Variants in TMEM138 observed in about 807,000 individuals in gnomAD.
TMEM138 encodes transmembrane protein 138.
TMEM138 carries 9 observed loss-of-function variants against 18.1 expected under a neutral mutation model. The observed-to-expected ratio is 0.50, with a 90% confidence interval of 0.30 to 0.87. The LOEUF (loss-of-function observed/expected upper bound fraction) is 0.87. TMEM138 is among the 40% of genes least tolerant of loss of function. The pLI is 0.06. For missense variants in TMEM138, 189 were observed against 190.6 expected, an observed-to-expected ratio of 0.99 and a Z score of 0.05; for synonymous variants, 79 against 74.8, an observed-to-expected ratio of 1.06 and a Z score of -0.29.
rs112325968 is a variant in TMEM138 at position 61,368,286 on chromosome 11, G to T, written c.376+288G>T. ...GTCGCCCAGGCTGGAGTGCTGTGGC[G>T]CTATCTCAGGCTCACTGCAAGCTCC... On this transcript the variant is annotated intron_variant, in intron 4 of 4. Transcript: ENST00000278826. The T allele has an allele frequency of 9.4e-3, 5,021 of 532,990 alleles. 214 individuals carry two copies. The highest frequency in any genetic ancestry group is 0.086 in the African/African-American group (4,557 of 52,894). 33.0% of individuals were successfully genotyped at this position (532,990 alleles called of 1,614,324 possible).
downstream of TMEM138, among the ~76,000 whole-genome samples, chr11:61,374,145 T>C (rs1168168182): frequency 7.2e-6 from 1 of 138,492 alleles, no homozygotes; most frequent in Non-Finnish European, 1.6e-5. Flanking sequence ...GCCCAGTCCT[T>C]TTTTTTTTTT....
chr11:61,375,977 C>T (rs918054623), downstream of TMEM138, among the ~76,000 whole-genome samples: 4 of 152,112 alleles, frequency 2.6e-5, no homozygotes, highest in Admixed American at 6.6e-5. Context: ...CGGCTGGGCT[C>T]GGCTTTTAAA....
Position 61,364,478 on chromosome 11 carries a change from C to T in TMEM138, c.88C>T (p.Leu30=). 6.2e-7 allele frequency: 1 copy of T among 1,614,264 alleles called. No individual in the cohort carries two copies. Residue 30 remains leucine, a synonymous_variant, in exon 2 of 5, where the codon CTG becomes TTG. Coordinates refer to ENST00000278826, the MANE Select transcript of TMEM138 (RefSeq NM_016464.5). The part of the protein sequence containing the change: ...YDLFVNSFSE[L]LQKTPVIQLV... ...CCTCTTTGTCAATTCCTTCTCAGAACTGCTCCAAAAGACTCCTGTCATCCA... is the reference window on the plus strand; with the variant it reads ...CCTCTTTGTCAATTCCTTCTCAGAATTGCTCCAAAAGACTCCTGTCATCCA...
At position 61,364,458 on chromosome 11, in the gene TMEM138, T is replaced by C; in HGVS notation, c.68T>C (p.Phe23Ser). Reference protein sequence around the residue: ...LQFLLLSYDLFVNSFSELLQK... With the variant: ...LQFLLLSYDLSVNSFSELLQK... ...TTCCTGCTGCTGTCCTATGACCTCT[T>C]TGTCAATTCCTTCTCAGAACTGCTC... is the stretch of plus-strand genomic sequence containing the variant. The change falls in exon 2 of 5, where the codon TTT becomes TCT. Residue 23 changes from phenylalanine (F) to serine (S), a missense_variant. By Grantham distance (155) the Phe-to-Ser change is radical. Transcript: ENST00000278826. The C allele has an allele frequency of 1.2e-6, 2 of 1,614,254 alleles. No homozygotes were observed. Among genetic ancestry groups the C allele is most frequent in the Non-Finnish European group, 1.7e-6 (2 of 1,180,046 alleles).
chr11:61,371,253 T>C (rs564034931), downstream of TMEM138, among the ~76,000 whole-genome samples: 1 of 152,270 alleles, frequency 6.6e-6, no homozygotes, highest in African/African-American at 2.4e-5. Context: ...CAGGATGGTC[T>C]CGATCTCCTG....
downstream of TMEM138, among the ~76,000 whole-genome samples, chr11:61,374,847 C>T (rs564898842): frequency 7.2e-5 from 11 of 152,292 alleles, no homozygotes; most frequent in Middle Eastern, 0.01. Context: ...TATTCAGCTA[C>T]TCAGGAGGCT....
downstream of TMEM138, among the ~76,000 whole-genome samples, chr11:61,372,177 GAA>G (rs34248583): frequency 7.7e-3 from 993 of 128,864 alleles, 20 homozygotes; most frequent in African/African-American, 0.024. Flanking sequence ...CTCTGTCTCA[GAA>G]AAAAAAAAAA....
rs981785944 is a variant in TMEM138 at position 61,368,811 on chromosome 11, C to T, written c.*102C>T. 6 of 852,276 alleles carry T rather than the reference C, an allele frequency of 7.0e-6. No homozygotes were observed. The highest frequency in any genetic ancestry group is 9.7e-6 in the Non-Finnish European group (5 of 515,624). The allele number at this position is 852,276 out of a possible 1,614,324, so 52.8% of individuals were successfully genotyped here. On this transcript the variant is annotated 3_prime_UTR_variant, in exon 5 of 5. Transcript: ENST00000278826. Reference sequence around the variant, plus strand: ...ATGCATGGGCAAACAGCTGGACTTTCCAAGGAAGGTTCAGACTAGCTGTGT... The same window carrying T: ...ATGCATGGGCAAACAGCTGGACTTTTCAAGGAAGGTTCAGACTAGCTGTGT...
downstream of TMEM138, among the ~76,000 whole-genome samples, chr11:61,370,813 C>T (rs1019015096): frequency 7.2e-5 from 11 of 152,190 alleles, no homozygotes; most frequent in Admixed American, 4.6e-4. Context: ...ACATAGGAAA[C>T]GGGAAAGTGT....
At chr11:61,365,716 G>A (rs1261417956) in intron 2 of TMEM138, 1 of 191,954 alleles carries the variant, frequency 5.2e-6, no homozygotes, top group East Asian at 1.4e-4. Context: ...GCAACAGAAT[G>A]AAACCCTGTC....
In TMEM138 at chr11:61,368,875, TAG is replaced by T. The variant is rs1316492986; in HGVS notation, c.*169_*170del. On this transcript the variant is annotated 3_prime_UTR_variant, in exon 5 of 5. Coordinates refer to ENST00000278826, the MANE Select transcript of TMEM138 (RefSeq NM_016464.5). ...AGGAAGATCCTCCCTCTTGCACAAT[TAG>T]AGTGTCCCCATCGGTCTCCAGTGCG... The T allele has an allele frequency of 1.3e-5, 8 of 627,526 alleles. No individual in the cohort carries two copies. The East Asian group carries it at 2.2e-4, about 17-fold the overall frequency. 38.9% of individuals were successfully genotyped at this position (627,526 alleles called of 1,614,324 possible). A position where few individuals can be genotyped will look rare whatever the true frequency, so the allele number is the denominator to read the frequency against.
At position 61,368,671 on chromosome 11, in the gene TMEM138, T is replaced by C. The variant is rs770804806; in HGVS notation, c.451T>C (p.Leu151=). 3 of 1,614,112 alleles carry C rather than the reference T, an allele frequency of 1.9e-6. No individual in the cohort carries two copies. The highest frequency in any genetic ancestry group is 4.5e-5 in the East Asian group (2 of 44,890). Residue 151 remains leucine (L), a synonymous_variant, in exon 5 of 5, where the codon TTG becomes CTG. Coordinates refer to ENST00000278826, the MANE Select transcript of TMEM138 (RefSeq NM_016464.5). The part of the protein sequence containing the change: ...LGDPHFYQDS[L]WLRKEFMQVR... The stretch of plus-strand genomic sequence containing the variant: ...CGATCCTCACTTCTACCAGGACTCT[T>C]TGTGGCTGCGCAAGGAGTTCATGCA...
chr11:61,368,263 C>T (rs1858224445), intron 4 of TMEM138: 13 of 578,892 alleles, frequency 2.2e-5, no homozygotes, highest in South Asian at 2.1e-4. Flanking sequence ...CTTGCTCTGT[C>T]GCCCAGGCTG....
chr11:61,364,788 A>C, intron 2 of TMEM138: 1 of 274,296 alleles, frequency 3.6e-6, no homozygotes, highest in South Asian at 5.7e-5. Flanking sequence ...GCAGTGATTC[A>C]GGATGCTGAC....
At chr11:61,374,303 A>T (rs1858407386), downstream of TMEM138, among the ~76,000 whole-genome samples, 1 of 151,136 alleles carries the variant, frequency 6.6e-6, no homozygotes, top group Non-Finnish European at 1.5e-5. Flanking sequence ...ACCCACCACC[A>T]CACCCAGCTA....
At chr11:61,371,255 G>A (rs1858336919), downstream of TMEM138, among the ~76,000 whole-genome samples, 1 of 152,056 alleles carries the variant, frequency 6.6e-6, no homozygotes, top group African/African-American at 2.4e-5. Flanking sequence ...GGATGGTCTC[G>A]ATCTCCTGAC....
At chr11:61,375,372 G>A (rs1398264908), downstream of TMEM138, among the ~76,000 whole-genome samples, 1 of 140,212 alleles carries the variant, frequency 7.1e-6, no homozygotes, top group Non-Finnish European at 1.5e-5. Flanking sequence ...GCCCAGGCTG[G>A]AGTGCAGTGG....
At chr11:61,374,024 G>A (rs1402807696), downstream of TMEM138, among the ~76,000 whole-genome samples, 1 of 150,296 alleles carries the variant, frequency 6.7e-6, no homozygotes, top group Non-Finnish European at 1.5e-5. Flanking sequence ...TGTATTTTTA[G>A]TAGAGATGGG....
chr11:61,364,229 T>A, intron 1 of TMEM138, 23 bp from the exon 2 acceptor site: 1 of 750,134 alleles, frequency 1.3e-6, no homozygotes, highest in Non-Finnish European at 2.1e-6. Flanking sequence ...TTTCTAACCT[T>A]GCTTATCTTT....
Sources: gnomAD v4.1 joint callset for allele counts (sites outside exome capture counted in the v4.1 genomes callset) on GRCh38, gnomAD v4.1.1 for gene constraint, MANE v1.5 for transcripts, NCBI Gene and HGNC (gene_info 2026-07-23, HGNC 2026-07-21) for gene names.